Variants in CPPED1 observed in about 807,000 individuals in gnomAD.
CPPED1 encodes serine/threonine-protein phosphatase CPPED1.
Under a neutral mutation model 28.0 loss-of-function variants are expected in CPPED1, and 28 were observed. The ratio of observed to expected loss-of-function variants is 1.00; its 90% CI spans 0.74 to 1.37. The LOEUF (loss-of-function observed/expected upper bound fraction) is 1.37. Ranked by LOEUF, CPPED1 falls within the 40% of genes most tolerant of loss-of-function variation. The pLI is 0.00. For synonymous variants in CPPED1, 198 were observed against 180.2 expected, an observed-to-expected ratio of 1.10 and a Z score of -0.79; for missense variants, 504 against 416.5, an observed-to-expected ratio of 1.21 and a Z score of -1.83.
At chr16:12,752,211 A>G (rs958924356) in intron 2 of CPPED1, among the ~76,000 whole-genome samples, 1 of 152,226 alleles carries the variant, frequency 6.6e-6, no homozygotes, top group African/African-American at 2.4e-5. Flanking sequence ...AAGAAAGTCT[A>G]TTAAAAAAAC....
At chr16:12,778,374 C>T (rs1347908118) in intron 2 of CPPED1, among the ~76,000 whole-genome samples, 1 of 147,042 alleles carries the variant, frequency 6.8e-6, no homozygotes, top group Non-Finnish European at 1.5e-5. Flanking sequence ...CTCCTGGGTT[C>T]AAGCGATTCT....
intron 1 of CPPED1, among the ~76,000 whole-genome samples, chr16:12,786,362 G>A (rs1437094845): frequency 6.6e-6 from 1 of 152,144 alleles, no homozygotes; most frequent in East Asian, 1.9e-4. Context: ...ACTTACATGG[G>A]TTGGAGGAGA....
chr16:12,760,008 G>T (rs368511894), intron 2 of CPPED1, among the ~76,000 whole-genome samples: 1 of 152,200 alleles, frequency 6.6e-6, no homozygotes, highest in Non-Finnish European at 1.5e-5. Flanking sequence ...TTTTCTAAAT[G>T]AAGTCATCCT....
At chr16:12,680,230 T>C (rs1402682872) in intron 3 of CPPED1, among the ~76,000 whole-genome samples, 5 of 152,158 alleles carry the variant, frequency 3.3e-5, no homozygotes, top group African/African-American at 7.2e-5. Context: ...CCCCTATGAA[T>C]AGGGTATATA....
At chr16:12,728,460 T>A (rs1019394752) in intron 2 of CPPED1, among the ~76,000 whole-genome samples, 1 of 151,834 alleles carries the variant, frequency 6.6e-6, no homozygotes, top group African/African-American at 2.4e-5. Flanking sequence ...AATCTTGAGA[T>A]CCCCCGAGAA....
intron 1 of CPPED1, among the ~76,000 whole-genome samples, chr16:12,790,468 T>C (rs1016946454): frequency 6.6e-5 from 10 of 152,308 alleles, no homozygotes; most frequent in Middle Eastern, 6.8e-3. Flanking sequence ...ATCACTCAAC[T>C]AGGAAAAGGC....
intron 3 of CPPED1, among the ~76,000 whole-genome samples, chr16:12,689,719 AG>A (rs1233657572): frequency 6.6e-6 from 1 of 152,234 alleles, no homozygotes; most frequent in Non-Finnish European, 1.5e-5. Flanking sequence ...AGGCTCTCAC[AG>A]AGAAAACATA....
At chr16:12,759,654 G>T (rs141783636) in intron 2 of CPPED1, among the ~76,000 whole-genome samples, 2 of 152,314 alleles carry the variant, frequency 1.3e-5, no homozygotes, top group African/African-American at 4.8e-5. Context: ...TGGGGTCGGG[G>T]GGTGGTGTGG....
At chr16:12,766,913 C>T (rs980544482) in intron 2 of CPPED1, among the ~76,000 whole-genome samples, 1 of 152,156 alleles carries the variant, frequency 6.6e-6, no homozygotes, top group Admixed American at 6.5e-5. Flanking sequence ...TCATGGTCTG[C>T]TATGAGCGAC....
intron 3 of CPPED1, among the ~76,000 whole-genome samples, chr16:12,687,587 A>T (rs556385892): frequency 6.6e-6 from 1 of 152,198 alleles, no homozygotes; most frequent in African/African-American, 2.4e-5. Flanking sequence ...CCTGGCCAAC[A>T]TGGTGAAACC....
intron 2 of CPPED1, among the ~76,000 whole-genome samples, chr16:12,740,036 A>G (rs1220195356): frequency 6.6e-6 from 1 of 151,982 alleles, no homozygotes; most frequent in Admixed American, 6.6e-5. Context: ...AAAGAAAAGA[A>G]AAGAAAAGAA....
intron 2 of CPPED1, among the ~76,000 whole-genome samples, chr16:12,707,752 C>T (rs989359337): frequency 1.3e-5 from 2 of 152,050 alleles, no homozygotes; most frequent in African/African-American, 4.8e-5. Context: ...TGTGTGTTTC[C>T]AAACAAAGAG....
At chr16:12,802,867 C>T (rs187834019) in intron 1 of CPPED1, among the ~76,000 whole-genome samples, 1 of 152,238 alleles carries the variant, frequency 6.6e-6, no homozygotes, top group Non-Finnish European at 1.5e-5. Context: ...GAATGACAAC[C>T]CTGAAGGAAG....
At chr16:12,717,176 A>G (rs983316809) in intron 2 of CPPED1, among the ~76,000 whole-genome samples, 5 of 152,188 alleles carry the variant, frequency 3.3e-5, no homozygotes, top group African/African-American at 1.2e-4. Context: ...CAGAGTAATA[A>G]AAAGAACTTG....
intron 2 of CPPED1, among the ~76,000 whole-genome samples, chr16:12,710,454 CAAAA>C (rs201222533): frequency 9.4e-6 from 1 of 106,864 alleles, no homozygotes; most frequent in African/African-American, 3.2e-5. Context: ...TGTTACAGGC[CAAAA>C]AAAAAAAAAG....
At chr16:12,797,305 C>T (rs2080633203) in intron 1 of CPPED1, among the ~76,000 whole-genome samples, 1 of 152,158 alleles carries the variant, frequency 6.6e-6, no homozygotes, top group Non-Finnish European at 1.5e-5. Context: ...AATCCCAGCA[C>T]TTTTGGAGGC....
At chr16:12,800,483 T>G (rs1483330747) in intron 1 of CPPED1, among the ~76,000 whole-genome samples, 1 of 151,574 alleles carries the variant, frequency 6.6e-6, no homozygotes, top group East Asian at 1.9e-4. Context: ...ATGCAGCCTC[T>G]GGACAAATCC....
intron 3 of CPPED1, among the ~76,000 whole-genome samples, chr16:12,676,981 A>T (rs1404776680): frequency 6.6e-6 from 1 of 152,160 alleles, no homozygotes; most frequent in African/African-American, 2.4e-5. Context: ...GTCTGTCCCC[A>T]GAGTCAGCAC....
chr16:12,708,334 G>A (rs1309671826), intron 2 of CPPED1, among the ~76,000 whole-genome samples: 1 of 152,072 alleles, frequency 6.6e-6, no homozygotes, highest in Non-Finnish European at 1.5e-5. Flanking sequence ...TGGTTCCTCT[G>A]AGTCTTGGTT....
Sources: gnomAD v4.1 joint callset for allele counts (sites outside exome capture counted in the v4.1 genomes callset) on GRCh38, gnomAD v4.1.1 for gene constraint, MANE v1.5 for transcripts, NCBI Gene and HGNC (gene_info 2026-07-23, HGNC 2026-07-21) for gene names.